The following STT3B variants were observed in gnomAD, a reference collection of about 807,000 sequenced individuals.
STT3B encodes the protein dolichyl-diphosphooligosaccharide--protein glycosyltransferase subunit STT3B.
A neutral mutation model predicts 96.8 loss-of-function variants in STT3B; 29 were observed. That is an observed-to-expected ratio of 0.30 (90% CI 0.22 to 0.41). STT3B has a LOEUF of 0.41. Among genes scored for constraint, STT3B ranks in the 10% least tolerant of loss-of-function variants. The pLI is 1.00. For missense variants in STT3B, 640 were observed against 1,022.3 expected (o/e 0.63, Z 5.10); for synonymous variants, 367 against 360.0 (o/e 1.02, Z -0.22).
At chr3:31,592,181 T>C (rs1005042370) in intron 3 of STT3B, among the ~76,000 whole-genome samples, 3 of 152,226 alleles carry the variant, frequency 2.0e-5, no homozygotes, top group Admixed American at 6.5e-5. Context: ...TGATTTTGAC[T>C]AAATACTTCA....
chr3:31,624,805 A>G (rs1312483890), intron 11 of STT3B, 109 bp from the exon 12 acceptor site: 21 of 802,182 alleles, frequency 2.6e-5, no homozygotes, highest in Non-Finnish European at 3.9e-5. Flanking sequence ...CTTAATAACT[A>G]CCATCCTTAA....
chr3:31,634,533 T>G (rs1349986807), intron 15 of STT3B, among the ~76,000 whole-genome samples: 2 of 152,242 alleles, frequency 1.3e-5, no homozygotes, highest in Non-Finnish European at 2.9e-5. Context: ...TTTAGATGTT[T>G]TGTACTAACA....
intron 4 of STT3B, among the ~76,000 whole-genome samples, chr3:31,598,644 C>T (rs1030127616): frequency 6.6e-6 from 1 of 152,266 alleles, no homozygotes; most frequent in East Asian, 1.9e-4. Context: ...TTCAGAACAT[C>T]AGATTCACTG....
chr3:31,591,232 A>G (rs1312674838), intron 3 of STT3B, among the ~76,000 whole-genome samples: 3 of 151,972 alleles, frequency 2.0e-5, no homozygotes, highest in Non-Finnish European at 4.4e-5. Flanking sequence ...AGTTCTCTTT[A>G]TCTCTAGGAA....
intron 1 of STT3B, 78 bp from the exon 2 acceptor site, chr3:31,576,318 G>T: frequency 6.3e-6 from 4 of 639,924 alleles, no homozygotes; most frequent in Non-Finnish European, 1.0e-5. Flanking sequence ...CATTTATGTA[G>T]CCACAGAGTT....
At chr3:31,533,473 C>A (rs139584422) in intron 1 of STT3B, among the ~76,000 whole-genome samples, 161 bp downstream of exon 1, 207 of 152,248 alleles carry the variant, frequency 1.4e-3, no homozygotes, top group Non-Finnish European at 2.6e-3. Context: ...GGGCGCGCCC[C>A]CTGCCCGTGG....
intron 1 of STT3B, among the ~76,000 whole-genome samples, chr3:31,552,609 A>G (rs945609637): frequency 6.6e-6 from 1 of 152,084 alleles, no homozygotes; most frequent in Non-Finnish European, 1.5e-5. Context: ...GTATTTTTTA[A>G]CCCTTACGAG....
intron 5 of STT3B, among the ~76,000 whole-genome samples, chr3:31,612,515 A>G (rs973324694): frequency 6.6e-6 from 1 of 152,198 alleles, no homozygotes; most frequent in African/African-American, 2.4e-5. Flanking sequence ...GCATTAACCT[A>G]TGTTTACCAA....
At chr3:31,594,424 C>T (rs554516446) in intron 3 of STT3B, among the ~76,000 whole-genome samples, 14 of 151,650 alleles carry the variant, frequency 9.2e-5, no homozygotes, top group African/African-American at 3.2e-4. Context: ...GGATTCCCAT[C>T]ACCCCCTCAA....
intron 4 of STT3B, 72 bp downstream of exon 4, chr3:31,596,935 A>T: frequency 9.0e-7 from 1 of 1,114,404 alleles, no homozygotes; most frequent in Non-Finnish European, 1.3e-6. Context: ...TTTTCTCCTG[A>T]AGTCTGTAGG....
In STT3B at chr3:31,576,518, C is replaced by T. The variant is rs1424769780; in HGVS notation, c.423+14C>T. The stretch of plus-strand genomic sequence containing the variant: ...GTAGGTGGTACTGTAAGTATATTAG[C>T]AGTTCTTTATGTTAATTATAACATT... On this transcript the variant is annotated intron_variant, in intron 2 of 15. Transcript: ENST00000295770. 2 of 1,363,708 alleles carry T rather than the reference C, an allele frequency of 1.5e-6. No individual in the cohort carries two copies. Among genetic ancestry groups the T allele is most frequent in the South Asian group, 1.3e-5 (1 of 76,350 alleles). The allele number at this position is 1,363,708 out of a possible 1,614,324, so 84.5% of individuals were successfully genotyped here. A position where few individuals can be genotyped will look rare whatever the true frequency, so the allele number is the denominator to read the frequency against.
intron 2 of STT3B, among the ~76,000 whole-genome samples, chr3:31,578,588 A>G (rs1260402657): frequency 6.6e-6 from 1 of 152,020 alleles, no homozygotes; most frequent in Non-Finnish European, 1.5e-5. Context: ...ATTGCTGACA[A>G]AATTACACAC....
intron 11 of STT3B, 74 bp downstream of exon 11, chr3:31,623,935 A>G: frequency 8.0e-7 from 1 of 1,255,974 alleles, no homozygotes; most frequent in African/African-American, 1.5e-5. Context: ...GATATAATTA[A>G]AAAATAGAAT....
At chr3:31,591,656 C>T (rs183883511) in intron 3 of STT3B, among the ~76,000 whole-genome samples, 9 of 152,076 alleles carry the variant, frequency 5.9e-5, no homozygotes, top group Admixed American at 3.9e-4. Flanking sequence ...TTTTTCTCTC[C>T]TCTCCTCTGT....
intron 1 of STT3B, among the ~76,000 whole-genome samples, chr3:31,556,431 C>G (rs1027911414): frequency 1.3e-5 from 2 of 152,128 alleles, no homozygotes; most frequent in Non-Finnish European, 2.9e-5. Flanking sequence ...AGTGGGGTTG[C>G]TGGATTATAT....
At chr3:31,544,928 C>T (rs932258931) in intron 1 of STT3B, among the ~76,000 whole-genome samples, 8 of 151,966 alleles carry the variant, frequency 5.3e-5, no homozygotes, top group African/African-American at 1.9e-4. Flanking sequence ...CAGAGCAAGA[C>T]TCTGTCTCAG....
In STT3B at chr3:31,629,361, T is replaced by C. The variant is rs773931623; in HGVS notation, c.2137T>C (p.Leu713=). 22 of 1,610,662 alleles carry C rather than the reference T, an allele frequency of 1.4e-5. No individual in the cohort carries two copies. The highest frequency in any genetic ancestry group is 1.9e-5 in the Non-Finnish European group (22 of 1,178,114). Residue 713 remains leucine, a synonymous_variant, in exon 14 of 16, where the codon TTG becomes CTG. Transcript: ENST00000295770. ...AGACAAAGCAGGATCCCCTACTTTG[T>C]TGAATTGCCTTATGTATAAAATGTC... ...RVDKAGSPTL[L]NCLMYKMSYY...
intron 5 of STT3B, among the ~76,000 whole-genome samples, chr3:31,607,583 C>G (rs1053339332): frequency 6.6e-6 from 1 of 152,160 alleles, no homozygotes; most frequent in Non-Finnish European, 1.5e-5. Flanking sequence ...CATTAAACCT[C>G]TTTTTCTTTG....
At chr3:31,589,556 T>C (rs1028559557) in intron 3 of STT3B, among the ~76,000 whole-genome samples, 4 of 151,956 alleles carry the variant, frequency 2.6e-5, no homozygotes, top group African/African-American at 9.7e-5. Flanking sequence ...ATTTCTGGAG[T>C]CTGTTCTGTT....
Sources: allele counts gnomAD v4.1 joint callset (sites outside exome capture counted in the v4.1 genomes callset), GRCh38; gene constraint gnomAD v4.1.1; transcripts MANE v1.5; gene names NCBI Gene and HGNC (gene_info 2026-07-23, HGNC 2026-07-21).